Variants in CENPI observed in about 807,000 individuals in gnomAD.
CENPI encodes the protein centromere protein I.
A neutral mutation model predicts 60.4 loss-of-function variants in CENPI; 4 were observed. The observed-to-expected ratio is 0.07, with a 90% CI of 0.03 to 0.15. The LOEUF (loss-of-function observed/expected upper bound fraction) is 0.15, where lower values mean the gene tolerates loss of function less well. Among genes scored for constraint, CENPI ranks in the 10% least tolerant of loss-of-function variants. The pLI, the probability that CENPI is intolerant of heterozygous loss-of-function variation, is 1.00. For missense variants in CENPI, 444 were observed against 534.5 expected, an observed-to-expected ratio of 0.83 and a Z score of 1.67; for synonymous variants, 157 against 189.4, an observed-to-expected ratio of 0.83 and a Z score of 1.40.
chrX:101,114,648 T>C (rs2089596863), intron 6 of CENPI, among the ~76,000 whole-genome samples: 1 of 112,442 alleles, frequency 8.9e-6, no homozygotes, highest in African/African-American at 3.2e-5. Flanking sequence ...GTACTTTTTT[T>C]TTCCCCCTGA....
At chrX:101,122,193 A>G (rs189683085) in intron 8 of CENPI, among the ~76,000 whole-genome samples, 7 of 111,784 alleles carry the variant, frequency 6.3e-5, no homozygotes, top group Admixed American at 9.6e-5. Flanking sequence ...AGCTCTCTGC[A>G]TTGTTATTTC....
At chrX:101,142,256 G>A (rs1475122871) in intron 16 of CENPI, among the ~76,000 whole-genome samples, 6 of 111,420 alleles carry the variant, frequency 5.4e-5, no homozygotes, top group Non-Finnish European at 9.4e-5. Flanking sequence ...AAAAATCTTC[G>A]GATTCCTCTT....
chrX:101,126,946 G>A lies in CENPI; in HGVS notation c.777+148G>A, dbSNP rs1290386326. ...CTGTTTTGGGAAAGTTTTTTTTTAG[G>A]AATTGGTACTTCGTGTTGATCCCAT... On this transcript the variant is annotated intron_variant, in intron 9 of 21. Transcript: ENST00000682095. The A allele has an allele frequency of 6.5e-6, 4 of 615,439 alleles. No homozygotes were observed. In the African/African-American group the frequency reaches 9.1e-5, roughly 14 times the overall value. 50.7% of individuals were successfully genotyped at this position (615,439 alleles called of 1,213,427 possible).
intron 2 of CENPI, among the ~76,000 whole-genome samples, chrX:101,099,087 T>C (rs1216837093): frequency 9.0e-6 from 1 of 111,263 alleles, no homozygotes; most frequent in African/African-American, 3.3e-5. Context: ...TCTCTCTCTC[T>C]CCCTCCCTCC....
chrX:101,107,872 T>C (rs1395779055), intron 4 of CENPI, among the ~76,000 whole-genome samples: 2 of 98,858 alleles, frequency 2.0e-5, no homozygotes, highest in African/African-American at 3.8e-5. Context: ...AGTTTTGCTC[T>C]TGTCACCTGG....
Position 101,127,160 on chromosome X carries a change from A to C in CENPI, c.800A>C (p.Asn267Thr). The change falls in exon 10 of 22, where the codon AAT (asparagine) becomes ACT (threonine). Residue 267 changes from asparagine (N) to threonine (T), a missense_variant. Physicochemically the swap from Asn to Thr is moderately conservative, Grantham distance 65 (BLOSUM62 0). Transcript: ENST00000682095. ...TAGATATATTTTAAGAATTCAGAGA[A>C]TCTATGGAAGACGGCTCTGCTTGCC... ...RKKIYFKNSE[N>T]LWKTALLAVK... is the part of the protein sequence containing the mutation. 6 of 1,186,364 alleles carry C rather than the reference A, an allele frequency of 5.1e-6. No individual in the cohort carries two copies. Among genetic ancestry groups the C allele is most frequent in the Non-Finnish European group, 6.8e-6 (6 of 883,166 alleles).
intron 6 of CENPI, among the ~76,000 whole-genome samples, chrX:101,115,067 G>T (rs2089605055): frequency 9.1e-6 from 1 of 109,677 alleles, no homozygotes; most frequent in Non-Finnish European, 1.9e-5. Context: ...GGGTTCAAGT[G>T]ATTCTCCTGC....
intron 2 of CENPI, 60 bp from the exon 3 acceptor site, chrX:101,100,998 T>C (rs1052869273): frequency 1.4e-5 from 11 of 773,770 alleles, no homozygotes. Flanking sequence ...ACCCTGTCTC[T>C]GTGGAGAAAA....
chrX:101,101,719 C>G (rs2148125134), intron 3 of CENPI, among the ~76,000 whole-genome samples: 1 of 111,355 alleles, frequency 9.0e-6, no homozygotes, highest in African/African-American at 3.3e-5. Flanking sequence ...AACCACTGTC[C>G]TAATATTGAA....
At chrX:101,117,710 G>T (rs1260776282) in intron 6 of CENPI, among the ~76,000 whole-genome samples, 1 of 111,628 alleles carries the variant, frequency 9.0e-6, no homozygotes, top group Non-Finnish European at 1.9e-5. Context: ...CTACACATTG[G>T]GTGGGTCCTA....
chrX:101,160,450 G>A (rs1315504309), intron 20 of CENPI, among the ~76,000 whole-genome samples: 1 of 101,784 alleles, frequency 9.8e-6, no homozygotes, highest in Non-Finnish European at 2.0e-5. Context: ...GCACTATCTC[G>A]GCTCACTGCA....
Position 101,146,741 on chromosome X carries a change from G to A in CENPI, c.1826+464G>A, listed in dbSNP as rs186858056. ...AAATTACTTTCTTCAGTCCATAAGC[G>A]TAGACTTTTTTTTTGAGATGGAGTT... On this transcript the variant is annotated intron_variant, in intron 18 of 21. Transcript: ENST00000682095. 9.3e-4 allele frequency among the ~76,000 whole-genome samples: 103 copies of A among 111,240 alleles called. No homozygotes were observed. The Middle Eastern group carries it at 0.028, about 30-fold the overall frequency.
chrX:101,127,140 A>G lies in CENPI; in HGVS notation c.780A>G (p.Ile260Met). 1.7e-6 allele frequency: 2 copies of G among 1,169,145 alleles called. No individual in the cohort carries two copies. Among genetic ancestry groups the G allele is most frequent in the South Asian group, 4.1e-5 (2 of 48,804 alleles). The part of the protein sequence containing the change: ...ISVSLPVRKK[I>M]YFKNSENLWK... Reference sequence around the variant, plus strand: ...GTACTTTATATCCAAATTTATAGATATATTTTAAGAATTCAGAGAATCTAT... The same window carrying G: ...GTACTTTATATCCAAATTTATAGATGTATTTTAAGAATTCAGAGAATCTAT... The change falls in exon 10 of 22, where the codon ATA (isoleucine) becomes ATG (methionine). Residue 260 changes from isoleucine (I) to methionine (M), a missense_variant and splice_region_variant. Transcript: ENST00000682095.
the CENPI span, among the ~76,000 whole-genome samples, chrX:101,180,568 T>C: frequency 8.9e-6 from 1 of 112,371 alleles, no homozygotes; most frequent in South Asian, 3.7e-4. Flanking sequence ...ACTTTATTCA[T>C]AGTGCCCTTT....
chrX:101,120,364 A>G, intron 6 of CENPI, 38 bp from the exon 7 acceptor site: 1 of 659,663 alleles, frequency 1.5e-6, no homozygotes. Flanking sequence ...TTCAAGACAT[A>G]TTATCATTTC....
chrX:101,178,398 C>CTTTTTTTTTTTTTT, the CENPI span, among the ~76,000 whole-genome samples: 92 of 39,982 alleles, frequency 2.3e-3, 14 homozygotes, highest in Non-Finnish European at 3.4e-3. Context: ...TTTTCTTCTT[C>CTTTTTTTTTTTTTT]TTTTTTTTTT....
intron 15 of CENPI, among the ~76,000 whole-genome samples, chrX:101,139,605 T>C (rs2089891852): frequency 8.9e-6 from 1 of 111,844 alleles, no homozygotes; most frequent in Non-Finnish European, 1.9e-5. Context: ...GAATGTGAGT[T>C]GTCAAAAAGT....
chrX:101,125,111 C>T (rs2089721252), intron 8 of CENPI, among the ~76,000 whole-genome samples: 1 of 111,450 alleles, frequency 9.0e-6, no homozygotes, highest in African/African-American at 3.3e-5. Context: ...CTTATGTAGC[C>T]TTTCATGCAA....
chrX:101,134,852 C>T (rs1296483343), intron 15 of CENPI, among the ~76,000 whole-genome samples: 4 of 110,500 alleles, frequency 3.6e-5, no homozygotes, highest in East Asian at 2.8e-4. Flanking sequence ...GGTGAAACCC[C>T]ATCTCTACTA....
Sources: allele counts gnomAD v4.1 joint callset (sites outside exome capture counted in the v4.1 genomes callset), GRCh38; gene constraint gnomAD v4.1.1; transcripts MANE v1.5; gene names NCBI Gene and HGNC (gene_info 2026-07-23, HGNC 2026-07-21).